Variants in FSTL5 observed in about 807,000 individuals in gnomAD.
The protein encoded by FSTL5 is follistatin like 5.
In FSTL5, 62 loss-of-function variants were observed where a neutral mutation model predicts 89.1. That is an observed-to-expected ratio of 0.70 (90% CI 0.57 to 0.86). The LOEUF is 0.86. Among genes scored for constraint, FSTL5 ranks in the 40% least tolerant of loss-of-function variants. The pLI, the probability that FSTL5 is intolerant of heterozygous loss-of-function variation, is 0.00. For synonymous variants in FSTL5, 383 were observed against 346.2 expected (o/e 1.11, Z -1.18); for missense variants, 1,057 against 1,001.6 (o/e 1.06, Z -0.75).
intron 5 of FSTL5, among the ~76,000 whole-genome samples, chr4:161,775,367 C>T (rs983380776): frequency 1.3e-5 from 2 of 152,064 alleles, no homozygotes; most frequent in East Asian, 3.9e-4. Flanking sequence ...TTTTATATTT[C>T]TACTACTAAA....
At chr4:162,050,782 C>G (rs1738353266) in intron 2 of FSTL5, among the ~76,000 whole-genome samples, 1 of 151,140 alleles carries the variant, frequency 6.6e-6, no homozygotes, top group African/African-American at 2.4e-5. Flanking sequence ...TGAATTTTAT[C>G]TAAAACTTTG....
chr4:161,738,976 T>C (rs1560818412), intron 6 of FSTL5, among the ~76,000 whole-genome samples: 1 of 152,222 alleles, frequency 6.6e-6, no homozygotes, highest in Non-Finnish European at 1.5e-5. Context: ...CAATTTTTTA[T>C]AAGACAGTAG....
rs149924977 is a variant in FSTL5, at chr4:161,775,953, C to T, written c.531G>A (p.Lys177=). The T allele has an allele frequency of 6.2e-7, 1 of 1,608,080 alleles. No individual in the cohort carries two copies. The highest frequency in any genetic ancestry group is 1.1e-5 in the South Asian group (1 of 89,902). ...NPNGDDISRK[K]LLVDQMFKYF... ...ATTTAAACATTTGATCCACCAATAG[C>T]TTCTTCCGAGATATGTCGTCGCCAT... The change falls in exon 5 of 16, where the codon AAG becomes AAA. Residue 177 remains lysine (K), a synonymous_variant. Transcript: ENST00000306100.
rs147472654 is a variant in FSTL5 at position 162,113,021 on chromosome 4, G to A, written c.-16-1609C>T. Among the ~76,000 whole-genome samples the A allele has an allele frequency of 2.1e-3, 319 of 152,136 alleles. 3 individuals carry two copies. The highest frequency in any genetic ancestry group is 7.4e-3 in the African/African-American group (307 of 41,484). The stretch of plus-strand genomic sequence containing the variant: ...CTTTATTTTGCCATTAAATATTGTG[G>A]TTTATCAAATCTCATTGCTAGCTAC... On this transcript the variant is annotated intron_variant, in intron 1 of 15. Coordinates refer to ENST00000306100, the MANE Select transcript of FSTL5 (RefSeq NM_020116.5).
At chr4:161,422,345 C>T (rs960587612) in intron 15 of FSTL5, among the ~76,000 whole-genome samples, 9 of 151,970 alleles carry the variant, frequency 5.9e-5, no homozygotes, top group African/African-American at 1.5e-4. Context: ...AAATGTCTTT[C>T]GATGTAAAGA....
In FSTL5 at chr4:161,656,347, A is replaced by G. The variant is rs904068501; in HGVS notation, c.875T>C (p.Leu292Ser). 13 of 1,577,292 alleles carry G rather than the reference A, an allele frequency of 8.2e-6. No individual in the cohort carries two copies. The highest frequency in any genetic ancestry group is 1.4e-5 in the African/African-American group (1 of 73,358). Residue 292 changes from leucine to serine, a missense_variant, in exon 7 of 16, where the codon TTA becomes TCA. Around this residue, in one of 3 missense-constraint regions of FSTL5, gnomAD observed 980 missense variants for 903.2 expected, o/e 1.08. Transcript: ENST00000306100. ...WKRNNIILNN[L>S]DLEDINDFGD... The stretch of plus-strand genomic sequence containing the variant: ...ACTCACATTGATGTCTTCCAAATCT[A>G]AATTATTTAGAATAATATTGTTCCT...
At chr4:161,450,650 A>C (rs553430916) in intron 15 of FSTL5, among the ~76,000 whole-genome samples, 33 of 151,964 alleles carry the variant, frequency 2.2e-4, no homozygotes, top group Admixed American at 5.2e-4. Flanking sequence ...GTTGCTTTAT[A>C]TTTGTTTATA....
At chr4:161,673,308 A>G (rs550117279) in intron 6 of FSTL5, among the ~76,000 whole-genome samples, 2 of 152,186 alleles carry the variant, frequency 1.3e-5, no homozygotes, top group East Asian at 3.9e-4. Context: ...ATTTTTTTAC[A>G]TGTAAAAGTT....
chr4:162,137,851 C>T (rs17042045), intron 1 of FSTL5, among the ~76,000 whole-genome samples: 35,317 of 151,870 alleles, frequency 0.23, 4,299 homozygotes, highest in Non-Finnish European at 0.26. Flanking sequence ...CATAAACTAA[C>T]ACATTCATTA....
At chr4:161,387,649 T>C (rs1730690807) in intron 15 of FSTL5, 1 of 151,922 alleles carries the variant, frequency 6.6e-6, no homozygotes, top group African/African-American at 2.4e-5. Flanking sequence ...AAAATATAAA[T>C]AAACATATAT....
At chr4:161,973,301 A>G (rs1302031936) in intron 3 of FSTL5, among the ~76,000 whole-genome samples, 1 of 152,222 alleles carries the variant, frequency 6.6e-6, no homozygotes, top group Non-Finnish European at 1.5e-5. Flanking sequence ...GTCTGTAAAT[A>G]TTGCTGAGCT....
In FSTL5 at chr4:161,657,309, A is replaced by G. The variant is rs560630169; in HGVS notation, c.728-815T>C. ...CAATTCTGCATCCATGTAAAAACTG[A>G]CCTTTTGTTTCCTGCTGACATTCAC... On this transcript the variant is annotated intron_variant, in intron 6 of 15. Transcript: ENST00000306100. 3.3e-5 allele frequency among the ~76,000 whole-genome samples: 5 copies of G among 152,308 alleles called. No individual in the cohort carries two copies. In the South Asian group the frequency reaches 1.0e-3, roughly 32 times the overall value.
intron 15 of FSTL5, among the ~76,000 whole-genome samples, chr4:161,392,022 G>T (rs1272231728): frequency 6.6e-6 from 1 of 152,032 alleles, no homozygotes; most frequent in African/African-American, 2.4e-5. Context: ...TTCTAAACAT[G>T]GAAGTCCTTA....
intron 4 of FSTL5, among the ~76,000 whole-genome samples, chr4:161,849,711 G>C (rs923231633): frequency 6.6e-6 from 1 of 152,002 alleles, no homozygotes; most frequent in South Asian, 2.1e-4. Flanking sequence ...TCCAAGTAGA[G>C]ACTGAATATG....
chr4:161,804,794 A>T (rs1729907490), intron 4 of FSTL5, among the ~76,000 whole-genome samples: 1 of 152,044 alleles, frequency 6.6e-6, no homozygotes. Flanking sequence ...GACCTTTAAA[A>T]TATTTTGAAC....
At chr4:162,098,348 A>AG (rs1356043078) in intron 2 of FSTL5, among the ~76,000 whole-genome samples, 1 of 151,978 alleles carries the variant, frequency 6.6e-6, no homozygotes. Flanking sequence ...AAAAGGCCTG[A>AG]GAGAAACATT....
chr4:161,663,911 C>T (rs1223589828), intron 6 of FSTL5, among the ~76,000 whole-genome samples: 1 of 152,240 alleles, frequency 6.6e-6, no homozygotes, highest in Non-Finnish European at 1.5e-5. Context: ...CTTCTGTGCA[C>T]CCACGGGCTC....
chr4:161,807,479 AT>A (rs529647557), intron 4 of FSTL5, among the ~76,000 whole-genome samples: 494 of 151,962 alleles, frequency 3.3e-3, no homozygotes, highest in African/African-American at 4.2e-3. Context: ...AATTATGATG[AT>A]TTTTTTTGCA....
At chr4:161,778,138 A>G (rs962316469) in intron 4 of FSTL5, among the ~76,000 whole-genome samples, 1 of 151,802 alleles carries the variant, frequency 6.6e-6, no homozygotes, top group African/African-American at 2.4e-5. Flanking sequence ...GGAAGAAAAA[A>G]TTCTCTAATA....
Sources: allele counts gnomAD v4.1 joint callset (sites outside exome capture counted in the v4.1 genomes callset), GRCh38; gene constraint gnomAD v4.1.1; regional missense constraint gnomAD v4.1.1; transcripts MANE v1.5; gene names NCBI Gene and HGNC (gene_info 2026-07-23, HGNC 2026-07-21).